The following RBFOX1 variants were observed in gnomAD, a reference collection of about 807,000 sequenced individuals.
RBFOX1 encodes RNA binding fox-1 homolog 1.
A neutral mutation model predicts 57.7 loss-of-function variants in RBFOX1; 8 were observed. The ratio of observed to expected loss-of-function variants is 0.14; its 90% CI spans 0.08 to 0.25. The LOEUF (loss-of-function observed/expected upper bound fraction) is 0.25, where lower values mean the gene tolerates loss of function less well. Ranked by LOEUF, RBFOX1 falls within the 10% of genes least tolerant of loss-of-function variation. The pLI is 1.00. For synonymous variants in RBFOX1, 326 were observed against 222.4 expected (o/e 1.47, Z -4.15); for missense variants, 611 against 548.5 (o/e 1.11, Z -1.14).
intron 3 of RBFOX1, among the ~76,000 whole-genome samples, chr16:6,964,122 A>G (rs1440798889): frequency 1.3e-5 from 2 of 152,178 alleles, no homozygotes; most frequent in East Asian, 3.9e-4. Context: ...GAATCAAGCG[A>G]TTCTCCTGCC....
intron 3 of RBFOX1, among the ~76,000 whole-genome samples, chr16:6,706,517 G>T (rs574662824): frequency 6.6e-6 from 1 of 152,152 alleles, no homozygotes; most frequent in East Asian, 1.9e-4. Context: ...CTTTGCAGCC[G>T]TGTTAATTGT....
intron 3 of RBFOX1, among the ~76,000 whole-genome samples, chr16:5,840,614 A>G (rs1597451416): frequency 1.3e-5 from 2 of 152,288 alleles, no homozygotes; most frequent in East Asian, 3.9e-4. Context: ...GGATGAGAGT[A>G]TGGGCTTCAC....
intron 3 of RBFOX1, among the ~76,000 whole-genome samples, chr16:6,823,054 T>G (rs1043114162): frequency 2.6e-5 from 4 of 152,120 alleles, no homozygotes; most frequent in Admixed American, 2.6e-4. Flanking sequence ...TATTGGCATG[T>G]GTGTTGAATA....
At chr16:7,198,978 G>A (rs189348057) in intron 4 of RBFOX1, among the ~76,000 whole-genome samples, 1 of 152,246 alleles carries the variant, frequency 6.6e-6, no homozygotes, top group African/African-American at 2.4e-5. Context: ...TAGAGAAATG[G>A]TGTCCATCTG....
At chr16:5,404,635 C>G (rs1179607220) in intron 1 of RBFOX1, among the ~76,000 whole-genome samples, 1 of 152,194 alleles carries the variant, frequency 6.6e-6, no homozygotes, top group Admixed American at 6.5e-5. Flanking sequence ...GAGTTCATCA[C>G]AGAGCCCTGA....
intron 4 of RBFOX1, among the ~76,000 whole-genome samples, chr16:5,990,259 G>C (rs2060368621): frequency 6.9e-6 from 1 of 144,680 alleles, no homozygotes; most frequent in African/African-American, 2.4e-5. Flanking sequence ...CCAAATTGCT[G>C]GGGTTACAGG....
At chr16:6,927,815 G>A (rs367666873) in intron 3 of RBFOX1, among the ~76,000 whole-genome samples, 1 of 152,144 alleles carries the variant, frequency 6.6e-6, no homozygotes, top group African/African-American at 2.4e-5. Context: ...AGAGCCAGAA[G>A]CCTAACACTG....
chr16:5,727,946 CA>C (rs2052215761), intron 3 of RBFOX1, among the ~76,000 whole-genome samples: 1 of 152,214 alleles, frequency 6.6e-6, no homozygotes, highest in African/African-American at 2.4e-5. Flanking sequence ...CTTGGCCTCC[CA>C]AAGTTCTGGG....
intron 4 of RBFOX1, among the ~76,000 whole-genome samples, chr16:7,331,735 C>G (rs186003103): frequency 3.9e-5 from 6 of 152,086 alleles, no homozygotes; most frequent in Admixed American, 6.6e-5. Flanking sequence ...GGCTAAGTAA[C>G]TTGTTCAAGA....
intron 4 of RBFOX1, among the ~76,000 whole-genome samples, chr16:7,168,288 C>T (rs1261614697): frequency 4.0e-5 from 6 of 151,568 alleles, no homozygotes. Context: ...TTCTTCTCAG[C>T]ATGAAATGGA....
intron 4 of RBFOX1, among the ~76,000 whole-genome samples, chr16:7,263,546 C>T (rs932170045): frequency 6.6e-6 from 1 of 152,054 alleles, no homozygotes; most frequent in Non-Finnish European, 1.5e-5. Flanking sequence ...TGGGTTCAGG[C>T]AGGGCTGAGG....
intron 3 of RBFOX1, among the ~76,000 whole-genome samples, chr16:6,739,847 A>C (rs1460421754): frequency 6.6e-6 from 1 of 152,166 alleles, no homozygotes; most frequent in Non-Finnish European, 1.5e-5. Context: ...ACTTCACTCC[A>C]GCCTGGGTGA....
In RBFOX1 at chr16:6,605,970, G is replaced by A. The variant is rs542171987; in HGVS notation, c.-63-48633G>A. On this transcript the variant is annotated intron_variant, in intron 2 of 15. Coordinates refer to ENST00000550418, the MANE Select transcript of RBFOX1 (RefSeq NM_018723.4). ...CAGAAATTAGCGGAGCATGGTTGGGGGTGGGGGCAGTGCCTGTAGTCCCAG... is the reference window on the plus strand; with the variant it reads ...CAGAAATTAGCGGAGCATGGTTGGGAGTGGGGGCAGTGCCTGTAGTCCCAG... Among the ~76,000 whole-genome samples, 3 of 152,082 alleles carry A rather than the reference G, an allele frequency of 2.0e-5. No homozygotes were observed. The East Asian group carries it at 5.8e-4, about 30-fold the overall frequency.
intron 11 of RBFOX1, among the ~76,000 whole-genome samples, chr16:7,643,279 C>T (rs2063155746): frequency 6.6e-6 from 1 of 152,184 alleles, no homozygotes; most frequent in South Asian, 2.1e-4. Flanking sequence ...AGACTCGTTG[C>T]TCAGAGTAAA....
intron 2 of RBFOX1, among the ~76,000 whole-genome samples, chr16:5,487,949 G>A (rs983960589): frequency 6.6e-5 from 10 of 152,016 alleles, no homozygotes; most frequent in Admixed American, 4.6e-4. Context: ...TGGTAGTGGT[G>A]GTGGGGAGAA....
At chr16:7,682,751 T>G (rs1227101686) in intron 14 of RBFOX1, among the ~76,000 whole-genome samples, 1 of 151,442 alleles carries the variant, frequency 6.6e-6, no homozygotes, top group Non-Finnish European at 1.5e-5. Flanking sequence ...GTTGAGCACG[T>G]GTACATCTAT....
At chr16:6,615,588 CT>C (rs2098130446) in intron 2 of RBFOX1, among the ~76,000 whole-genome samples, 1 of 151,946 alleles carries the variant, frequency 6.6e-6, no homozygotes, top group African/African-American at 2.4e-5. Flanking sequence ...AAAAAATCCT[CT>C]GTCCCAATAA....
chr16:5,783,119 C>T (rs1457886793), intron 3 of RBFOX1, among the ~76,000 whole-genome samples: 1 of 152,074 alleles, frequency 6.6e-6, no homozygotes, highest in Non-Finnish European at 1.5e-5. Context: ...ACTGTCACAC[C>T]CTCTTTACTT....
intron 5 of RBFOX1, among the ~76,000 whole-genome samples, chr16:7,526,045 A>G (rs935012656): frequency 1.4e-5 from 2 of 144,440 alleles, no homozygotes; most frequent in African/African-American, 5.9e-5. Context: ...GAGCATTACC[A>G]CTTTAGCTCT....
Sources: gnomAD v4.1 joint callset for allele counts (sites outside exome capture counted in the v4.1 genomes callset) on GRCh38, gnomAD v4.1.1 for gene constraint, MANE v1.5 for transcripts, NCBI Gene and HGNC (gene_info 2026-07-23, HGNC 2026-07-21) for gene names.